The following PGM5 variants were observed in gnomAD, a reference collection of about 807,000 sequenced individuals.
The protein encoded by PGM5 is phosphoglucomutase 5, also known as phosphoglucomutase-like protein 5.
PGM5 carries 23 observed loss-of-function variants against 59.2 expected under a neutral mutation model. The ratio of observed to expected loss-of-function variants is 0.39; its 90% CI spans 0.28 to 0.55. The LOEUF (loss-of-function observed/expected upper bound fraction) is 0.55. Ranked by LOEUF, PGM5 falls within the 20% of genes least tolerant of loss-of-function variation. PGM5 has a pLI of 0.66. For synonymous variants in PGM5, 214 were observed against 286.0 expected, an observed-to-expected ratio of 0.75 and a Z score of 2.54; for missense variants, 574 against 748.3, an observed-to-expected ratio of 0.77 and a Z score of 2.72.
At position 68,357,193 on chromosome 9, in the gene PGM5, C is replaced by G. The variant is rs79088300; in HGVS notation, c.66C>G (p.Ala22=). 3 of 1,539,808 alleles carry G rather than the reference C, an allele frequency of 1.9e-6. No homozygotes were observed. Among genetic ancestry groups the G allele is most frequent in the South Asian group, 2.4e-5 (2 of 83,878 alleles). Residue 22 remains alanine, a synonymous_variant, in exon 1 of 11, where the codon GCC becomes GCG. Coordinates refer to ENST00000396396, the MANE Select transcript of PGM5 (RefSeq NM_021965.4). The part of the protein sequence containing the change: ...PTAPYEDQRP[A]GGGGLRRPTG... ...CGCCCTACGAGGACCAGCGGCCGGCCGGCGGCGGGGGTCTGCGGCGACCCA... is the reference window on the plus strand; with the variant it reads ...CGCCCTACGAGGACCAGCGGCCGGCGGGCGGCGGGGGTCTGCGGCGACCCA...
chr9:68,389,528 T>C (rs576783772), intron 4 of PGM5, among the ~76,000 whole-genome samples: 4 of 152,266 alleles, frequency 2.6e-5, no homozygotes, highest in Non-Finnish European at 5.9e-5. Context: ...CTTCTTTCAC[T>C]CAGCATAATA....
intron 10 of PGM5, among the ~76,000 whole-genome samples, chr9:68,517,996 G>T (rs934557602): frequency 2.0e-5 from 3 of 152,212 alleles, no homozygotes; most frequent in African/African-American, 7.2e-5. Flanking sequence ...ACAGGGTAAA[G>T]GTGACCGGCA....
chr9:68,457,608 A>G (rs1005495501), intron 6 of PGM5, among the ~76,000 whole-genome samples: 3 of 152,382 alleles, frequency 2.0e-5, no homozygotes, highest in South Asian at 2.1e-4. Context: ...TAAGATTTCT[A>G]TAATACTATC....
intron 6 of PGM5, among the ~76,000 whole-genome samples, chr9:68,406,818 G>A (rs1274757148): frequency 6.7e-6 from 1 of 149,518 alleles, no homozygotes; most frequent in Non-Finnish European, 1.5e-5. Context: ...GGATAAGAGA[G>A]TGAAGCATAG....
chr9:68,472,203 G>T (rs1359537435), intron 7 of PGM5, among the ~76,000 whole-genome samples: 2 of 152,158 alleles, frequency 1.3e-5, no homozygotes, highest in Non-Finnish European at 2.9e-5. Context: ...TTTTGTTGAT[G>T]AAGTCGTTGA....
intron 9 of PGM5, among the ~76,000 whole-genome samples, chr9:68,492,009 T>C (rs1483804846): frequency 6.6e-6 from 1 of 152,174 alleles, no homozygotes; most frequent in East Asian, 1.9e-4. Context: ...AGTAGTAAAA[T>C]TGTCCTAAAA....
intron 6 of PGM5, chr9:68,399,039 T>A (rs1346875447): frequency 2.1e-4 from 32 of 152,228 alleles, no homozygotes; most frequent in African/African-American, 7.0e-4. Context: ...TATTTTTACT[T>A]AATGTGACTA....
intron 6 of PGM5, among the ~76,000 whole-genome samples, chr9:68,423,671 C>CTG (rs1564001875): frequency 7.9e-5 from 12 of 151,088 alleles, no homozygotes; most frequent in Non-Finnish European, 1.6e-4. Flanking sequence ...CTCTCTCTCT[C>CTG]TCTCTCTCTC....
At chr9:68,438,566 C>A (rs1427611193) in intron 6 of PGM5, among the ~76,000 whole-genome samples, 2 of 152,160 alleles carry the variant, frequency 1.3e-5, no homozygotes, top group African/African-American at 4.8e-5. Flanking sequence ...CCACGGTCTT[C>A]CCCATTGTAT....
intron 6 of PGM5, among the ~76,000 whole-genome samples, chr9:68,434,535 G>A (rs372648303): frequency 2.0e-5 from 3 of 151,336 alleles, no homozygotes; most frequent in Admixed American, 6.6e-5. Flanking sequence ...GGCTTGGTGC[G>A]GTGGCTCACG....
chr9:68,496,027 G>A (rs907387663), intron 9 of PGM5, among the ~76,000 whole-genome samples: 1 of 152,208 alleles, frequency 6.6e-6, no homozygotes, highest in Non-Finnish European at 1.5e-5. Context: ...GAATGGACAC[G>A]ACTGTGCCCC....
chr9:68,459,183 G>A (rs782314159), intron 6 of PGM5, among the ~76,000 whole-genome samples: 12 of 152,178 alleles, frequency 7.9e-5, no homozygotes, highest in Admixed American at 1.3e-4. Context: ...ACTGCAGAGA[G>A]CTTTTTCTTT....
At chr9:68,366,980 G>A (rs1834691390) in intron 1 of PGM5, among the ~76,000 whole-genome samples, 1 of 152,080 alleles carries the variant, frequency 6.6e-6, no homozygotes, top group African/African-American at 2.4e-5. Context: ...CAGTTGCTTT[G>A]GTGCAGCTTC....
intron 1 of PGM5, among the ~76,000 whole-genome samples, chr9:68,376,886 TTTTC>T (rs200192281): frequency 0.028 from 3,752 of 134,188 alleles, 319 homozygotes; most frequent in East Asian, 0.12. Flanking sequence ...TTCTTTCTTT[TTTTC>T]TTTCTTTCTC....
At chr9:68,361,317 A>G (rs1834575230) in intron 1 of PGM5, among the ~76,000 whole-genome samples, 1 of 152,192 alleles carries the variant, frequency 6.6e-6, no homozygotes, top group Non-Finnish European at 1.5e-5. Context: ...ATTTAATGAA[A>G]TTGATTGTTG....
At position 68,502,736 on chromosome 9, in the gene PGM5, T is replaced by A. The variant is rs142721622; in HGVS notation, c.1614+3375T>A. Among the ~76,000 whole-genome samples, 116 of 152,192 alleles carry A rather than the reference T, an allele frequency of 7.6e-4. 2 individuals carry two copies. The East Asian group carries it at 0.021, about 28-fold the overall frequency. On this transcript the variant is annotated intron_variant, in intron 10 of 10. Transcript: ENST00000396396. Reference sequence around the variant, plus strand: ...AGGAAGTCTCACTCTGTGGCCCAGGTTGAAGTGCAGTGGCATGATCTCAGC... The same window carrying A: ...AGGAAGTCTCACTCTGTGGCCCAGGATGAAGTGCAGTGGCATGATCTCAGC...
rs539415454 is a variant in PGM5 at position 68,443,958 on chromosome 9, A to G, written c.1044-21135A>G. ...AAAACCCAGACTGACAAGGAGGGCA[A>G]TCTGTCTACTTGTGCAGATATGGTG... is the stretch of plus-strand genomic sequence containing the variant. On this transcript the variant is annotated intron_variant, in intron 6 of 10. Coordinates refer to ENST00000396396, the MANE Select transcript of PGM5 (RefSeq NM_021965.4). Among the ~76,000 whole-genome samples, 5 of 152,248 alleles carry G rather than the reference A, an allele frequency of 3.3e-5. No homozygotes were observed. The South Asian group carries it at 8.3e-4, about 25-fold the overall frequency.
intron 6 of PGM5, among the ~76,000 whole-genome samples, chr9:68,422,540 C>A (rs1175113868): frequency 3.9e-5 from 6 of 151,986 alleles, no homozygotes; most frequent in African/African-American, 1.5e-4. Context: ...GATCCTCCTG[C>A]CTCAGCCTCC....
At chr9:68,367,059 T>C (rs1193055537) in intron 1 of PGM5, among the ~76,000 whole-genome samples, 4 of 151,622 alleles carry the variant, frequency 2.6e-5, no homozygotes, top group Admixed American at 2.0e-4. Context: ...AGGTGTGAGC[T>C]TCTCCCCCTC....
Sources: allele counts gnomAD v4.1 joint callset (sites outside exome capture counted in the v4.1 genomes callset), GRCh38; gene constraint gnomAD v4.1.1; transcripts MANE v1.5; gene names NCBI Gene and HGNC (gene_info 2026-07-23, HGNC 2026-07-21).